SAMMSON: variants seen among roughly 807,000 people sequenced by gnomAD.
SAMMSON encodes long intergenic non-protein coding RNA 1212.
At chr3:70,239,761 G>A (rs1052957163) in intron 4 of SAMMSON, among the ~76,000 whole-genome samples, 7 of 152,084 alleles carry the variant, frequency 4.6e-5, no homozygotes, top group East Asian at 1.9e-4. Context: ...AGATCATATC[G>A]CCCTATGTTA....
At chr3:70,295,638 G>A (rs1468581015) in intron 7 of SAMMSON, among the ~76,000 whole-genome samples, 1 of 152,114 alleles carries the variant, frequency 6.6e-6, no homozygotes, top group African/African-American at 2.4e-5. Flanking sequence ...CCTGCAGTGA[G>A]CTGTGATTGT....
chr3:70,269,357 C>T (rs1701953026), intron 6 of SAMMSON, among the ~76,000 whole-genome samples: 1 of 152,136 alleles, frequency 6.6e-6, no homozygotes, highest in South Asian at 2.1e-4. Context: ...GAACTGTAAC[C>T]TGTCTGGATA....
At chr3:70,046,716 G>A (rs948070414) in intron 3 of SAMMSON, among the ~76,000 whole-genome samples, 1 of 152,018 alleles carries the variant, frequency 6.6e-6, no homozygotes, top group Non-Finnish European at 1.5e-5. Context: ...CAGTTCTGGG[G>A]CTCACTGAGC....
At chr3:70,378,160 T>C (rs891135559) in intron 9 of SAMMSON, among the ~76,000 whole-genome samples, 8 of 151,238 alleles carry the variant, frequency 5.3e-5, no homozygotes, top group Non-Finnish European at 5.9e-5. Context: ...GTTATATATA[T>C]AAGTGTTTAT....
chr3:70,374,224 TTAAAGTATTTGTCAGA>T (rs1466666940), intron 9 of SAMMSON, among the ~76,000 whole-genome samples: 6 of 152,190 alleles, frequency 3.9e-5, no homozygotes, highest in Non-Finnish European at 5.9e-5. Context: ...AATGATGGTT[TTAAAGTATTTGTCAGA>T]TAATTATAAC....
At chr3:70,388,522 C>T (rs1430996905) in intron 9 of SAMMSON, among the ~76,000 whole-genome samples, 1 of 152,106 alleles carries the variant, frequency 6.6e-6, no homozygotes, top group African/African-American at 2.4e-5. Flanking sequence ...CCCTCTTGTC[C>T]ATTGCTATTT....
chr3:70,342,956 G>T (rs1485340185), intron 7 of SAMMSON, among the ~76,000 whole-genome samples: 3 of 152,170 alleles, frequency 2.0e-5, no homozygotes, highest in Non-Finnish European at 2.9e-5. Flanking sequence ...GGTACTAAAA[G>T]TTAGTTGTGG....
intron 3 of SAMMSON, among the ~76,000 whole-genome samples, chr3:70,027,019 T>C (rs531877475): frequency 6.6e-6 from 1 of 152,292 alleles, no homozygotes; most frequent in Admixed American, 6.5e-5. Flanking sequence ...TGGGAGTTTG[T>C]AAAATGGGTT....
intron 4 of SAMMSON, among the ~76,000 whole-genome samples, chr3:70,196,520 G>A (rs1023091794): frequency 1.3e-5 from 2 of 152,084 alleles, no homozygotes; most frequent in African/African-American, 4.8e-5. Flanking sequence ...TTAGAAAGAC[G>A]AGCTAATGTA....
At chr3:70,369,711 T>TG (rs1381592829) in intron 9 of SAMMSON, among the ~76,000 whole-genome samples, 2 of 151,784 alleles carry the variant, frequency 1.3e-5, no homozygotes, top group Admixed American at 1.3e-4. Context: ...TACATACTTA[T>TG]GGGGTACATG....
chr3:70,410,596 G>A (rs910443471), intron 2 of SAMMSON, among the ~76,000 whole-genome samples: 1 of 152,068 alleles, frequency 6.6e-6, no homozygotes, highest in Admixed American at 6.5e-5. Context: ...TTTACTGCAA[G>A]ATTTTTTTAA....
chr3:70,248,721 G>C lies in SAMMSON; in HGVS notation n.508-386G>C, dbSNP rs151042726. Among the ~76,000 whole-genome samples the C allele has an allele frequency of 3.2e-4, 48 of 152,178 alleles. No homozygotes were observed. The East Asian group carries it at 9.3e-3, about 29-fold the overall frequency. On this transcript the variant is annotated intron_variant and non_coding_transcript_variant, in intron 4 of 9. Transcript: ENST00000642114. Reference sequence around the variant, plus strand: ...AAATGGACAGAATAACCAGATTCAAGAGTTAGTGAACAAAAGAACTCAACA... The same window carrying C: ...AAATGGACAGAATAACCAGATTCAACAGTTAGTGAACAAAAGAACTCAACA...
At chr3:70,128,122 G>A (rs567425869) in intron 4 of SAMMSON, among the ~76,000 whole-genome samples, 2 of 152,306 alleles carry the variant, frequency 1.3e-5, no homozygotes, top group East Asian at 1.9e-4. Context: ...GTGTCTGGGG[G>A]AGCATCCCTC....
intron 4 of SAMMSON, among the ~76,000 whole-genome samples, chr3:70,245,778 A>G (rs954247066): frequency 6.8e-6 from 1 of 146,006 alleles, no homozygotes; most frequent in Non-Finnish European, 1.5e-5. Context: ...AAAGGACATC[A>G]TGAAGGTTGA....
intron 6 of SAMMSON, among the ~76,000 whole-genome samples, chr3:70,276,483 G>C (rs1702027669): frequency 6.6e-6 from 1 of 152,112 alleles, no homozygotes; most frequent in Non-Finnish European, 1.5e-5. Context: ...AGAAGTGGCT[G>C]TCCAGTGAAT....
chr3:70,291,474 C>G (rs1702239211), intron 7 of SAMMSON, among the ~76,000 whole-genome samples: 2 of 152,266 alleles, frequency 1.3e-5, no homozygotes, highest in South Asian at 2.1e-4. Flanking sequence ...TTGTCTATAG[C>G]TCTGTTCTTC....
At chr3:70,317,223 C>A (rs962832382) in intron 7 of SAMMSON, among the ~76,000 whole-genome samples, 7 of 152,060 alleles carry the variant, frequency 4.6e-5, no homozygotes, top group Admixed American at 4.6e-4. Context: ...GGCTTACAGG[C>A]ATATCTTATA....
intron 7 of SAMMSON, among the ~76,000 whole-genome samples, chr3:70,350,373 T>C (rs1243407005): frequency 6.6e-6 from 1 of 152,170 alleles, no homozygotes; most frequent in Non-Finnish European, 1.5e-5. Flanking sequence ...AATGATTTAC[T>C]TTAGAATTTA....
chr3:70,234,596 T>C (rs1701590244), intron 4 of SAMMSON, among the ~76,000 whole-genome samples: 1 of 151,156 alleles, frequency 6.6e-6, no homozygotes, highest in African/African-American at 2.4e-5. Flanking sequence ...GCCATGACTA[T>C]GCCACTGTAC....
Sources: gnomAD v4.1 joint callset for allele counts (sites outside exome capture counted in the v4.1 genomes callset) on GRCh38, gnomAD v4.1.1 for gene constraint, MANE v1.5 for transcripts, NCBI Gene and HGNC (gene_info 2026-07-23, HGNC 2026-07-21) for gene names.